Variants in LYRM4 observed in about 807,000 individuals in gnomAD.
LYRM4 encodes the protein LYR motif containing 4.
A neutral mutation model predicts 11.7 loss-of-function variants in LYRM4; 9 were observed. The ratio of observed to expected loss-of-function variants is 0.77; its 90% CI spans 0.46 to 1.34. The LOEUF is 1.34. Ranked by LOEUF, LYRM4 falls within the 40% of genes most tolerant of loss-of-function variation. The pLI is 0.00. For missense variants in LYRM4, 133 were observed against 112.5 expected, an observed-to-expected ratio of 1.18 and a Z score of -0.82; for synonymous variants, 42 against 40.4, an observed-to-expected ratio of 1.04 and a Z score of -0.15.
chr6:5,174,508 T>G (rs1411382557), intron 2 of LYRM4, among the ~76,000 whole-genome samples: 5 of 152,216 alleles, frequency 3.3e-5, no homozygotes, highest in Admixed American at 2.0e-4. Flanking sequence ...GGGAGAGTAC[T>G]CAGCGCGTCG....
chr6:5,058,255 A>G, the LYRM4 span, among the ~76,000 whole-genome samples: 1 of 152,130 alleles, frequency 6.6e-6, no homozygotes, highest in Non-Finnish European at 1.5e-5. Context: ...TTTTTGTCAC[A>G]TGGGGTCATT....
At chr6:5,086,467 G>C in the LYRM4 span, 8 of 1,537,178 alleles carry the variant, frequency 5.2e-6, no homozygotes, top group Non-Finnish European at 7.0e-6. Context: ...GGTCCACTTC[G>C]CTGTCTGCTA....
chr6:5,060,504 A>T, the LYRM4 span, among the ~76,000 whole-genome samples: 5 of 144,226 alleles, frequency 3.5e-5, no homozygotes, highest in Non-Finnish European at 4.6e-5. Flanking sequence ...CGATTTTTGT[A>T]TTTTTTTTTT....
intron 1 of LYRM4, among the ~76,000 whole-genome samples, chr6:5,219,352 A>C (rs1435338409): frequency 6.6e-6 from 1 of 151,106 alleles, no homozygotes; most frequent in Non-Finnish European, 1.5e-5. Flanking sequence ...AAAGAAAAGC[A>C]GCTCTAGATC....
chr6:5,066,598 A>G, the LYRM4 span: 329 of 1,120,490 alleles, frequency 2.9e-4, 1 homozygote, highest in African/African-American at 4.6e-3. Context: ...TGTGGAATAA[A>G]AGTTTTGTCA....
At chr6:5,235,723 C>A (rs976758428) in intron 1 of LYRM4, among the ~76,000 whole-genome samples, 4 of 152,210 alleles carry the variant, frequency 2.6e-5, no homozygotes, top group African/African-American at 9.7e-5. Context: ...CTTTCAAATT[C>A]TTTAAACAGA....
At chr6:5,113,220 G>A (rs908675904) in intron 2 of LYRM4, 1 of 361,066 alleles carries the variant, frequency 2.8e-6, no homozygotes, top group African/African-American at 2.2e-5. Flanking sequence ...GGATCACGAG[G>A]TCACAAGTCT....
At chr6:5,168,914 G>T (rs938420347) in intron 2 of LYRM4, among the ~76,000 whole-genome samples, 1 of 152,124 alleles carries the variant, frequency 6.6e-6, no homozygotes, top group South Asian at 2.1e-4. Flanking sequence ...AAAGGAGAGG[G>T]AGGAGGGCCA....
chr6:5,069,623 G>C, the LYRM4 span, among the ~76,000 whole-genome samples: 3 of 152,058 alleles, frequency 2.0e-5, no homozygotes, highest in South Asian at 4.1e-4. Context: ...TGGGACTATA[G>C]GCATGCGCCA....
At chr6:5,200,077 A>G (rs444607) in intron 2 of LYRM4, among the ~76,000 whole-genome samples, 111,435 of 152,138 alleles carry the variant, frequency 0.73, 41,035 homozygotes, top group East Asian at 0.84. Flanking sequence ...GAGAAGGTGT[A>G]TGACTTTCTT....
chr6:5,215,620 T>C (rs1762231650), intron 2 of LYRM4, among the ~76,000 whole-genome samples: 1 of 152,256 alleles, frequency 6.6e-6, no homozygotes, highest in Admixed American at 6.5e-5. Flanking sequence ...CTGCAAATTA[T>C]AGTTTCAAAT....
intron 2 of LYRM4, among the ~76,000 whole-genome samples, chr6:5,140,078 CA>C (rs1469930196): frequency 6.6e-6 from 1 of 151,658 alleles, no homozygotes; most frequent in East Asian, 2.0e-4. Flanking sequence ...CCCCAAAATA[CA>C]AAAATTAGTG....
intron 2 of LYRM4, among the ~76,000 whole-genome samples, chr6:5,192,409 G>C (rs534910068): frequency 2.6e-4 from 39 of 152,308 alleles, no homozygotes; most frequent in African/African-American, 7.7e-4. Flanking sequence ...AATGTGCTCT[G>C]AGGAAGCACC....
chr6:5,147,873 A>G (rs1416364779), intron 2 of LYRM4, among the ~76,000 whole-genome samples: 3 of 152,160 alleles, frequency 2.0e-5, no homozygotes, highest in African/African-American at 7.2e-5. Context: ...ATTTTCCTGG[A>G]AGCTCCAGGT....
At chr6:5,055,518 C>T in the LYRM4 span, among the ~76,000 whole-genome samples, 4 of 152,300 alleles carry the variant, frequency 2.6e-5, no homozygotes, top group South Asian at 2.1e-4. This position sits in a 1 kb window ranked among gnomAD's most constrained non-coding sequence, Gnocchi z 4.5. Flanking sequence ...ATTACATTGC[C>T]TGGCCAAATA....
intron 2 of LYRM4, among the ~76,000 whole-genome samples, chr6:5,168,569 G>T (rs931990240): frequency 6.6e-6 from 1 of 152,120 alleles, no homozygotes; most frequent in Non-Finnish European, 1.5e-5. Context: ...AGAAAGTGGG[G>T]GTGTCCAGAT....
intron 2 of LYRM4, among the ~76,000 whole-genome samples, chr6:5,203,338 A>G (rs186566259): frequency 6.6e-6 from 1 of 152,224 alleles, no homozygotes; most frequent in Non-Finnish European, 1.5e-5. Context: ...CTGTCTGTAT[A>G]CAGTAGTCTG....
intron 2 of LYRM4, among the ~76,000 whole-genome samples, chr6:5,198,214 A>C (rs1456600140): frequency 6.6e-6 from 1 of 152,148 alleles, no homozygotes; most frequent in African/African-American, 2.4e-5. Context: ...AAAAAAAGAA[A>C]AGAGAAAGGG....
chr6:5,208,873 A>G (rs1307962910), intron 2 of LYRM4, among the ~76,000 whole-genome samples: 1 of 152,086 alleles, frequency 6.6e-6, no homozygotes, highest in African/African-American at 2.4e-5. Flanking sequence ...AACTAAACAA[A>G]CTGTCTCATT....
Sources: gnomAD v4.1 joint callset for allele counts (sites outside exome capture counted in the v4.1 genomes callset) on GRCh38, gnomAD v4.1.1 for gene constraint, Gnocchi (gnomAD v3.1) non-coding constraint, MANE v1.5 for transcripts, NCBI Gene and HGNC (gene_info 2026-07-23, HGNC 2026-07-21) for gene names.